Variants in TTC8 observed in about 807,000 individuals in gnomAD.
TTC8 encodes the protein tetratricopeptide repeat protein 8.
A neutral mutation model predicts 72.5 loss-of-function variants in TTC8; 47 were observed. The ratio of observed to expected loss-of-function variants is 0.65; its 90% confidence interval spans 0.51 to 0.83. The LOEUF is 0.83. Ranked by LOEUF, TTC8 falls within the 40% of genes least tolerant of loss-of-function variation. The pLI, the probability that TTC8 is intolerant of heterozygous loss-of-function variation, is 0.00. For synonymous variants in TTC8, 199 were observed against 221.4 expected (o/e 0.90, Z 0.90); for missense variants, 611 against 623.2 (o/e 0.98, Z 0.21).
At chr14:88,847,040 G>T (rs2094810137) in intron 7 of TTC8, 1 of 155,966 alleles carries the variant, frequency 6.4e-6, no homozygotes, top group Non-Finnish European at 1.4e-5. Context: ...ATAGGGCTCT[G>T]CTTCTAAATT....
At chr14:88,877,187 C>T in intron 14 of TTC8, 107 bp from the exon 15 acceptor site, 1 of 833,830 alleles carries the variant, frequency 1.2e-6, no homozygotes, top group East Asian at 2.6e-5. Context: ...GAAAAGAACC[C>T]TTTGAATTTC....
At chr14:88,836,755 A>G (rs1258724320) in intron 2 of TTC8, among the ~76,000 whole-genome samples, 1 of 152,172 alleles carries the variant, frequency 6.6e-6, no homozygotes, top group East Asian at 1.9e-4. Flanking sequence ...CTATAATGAT[A>G]AAACTTGATG....
rs775514466 is a variant in TTC8 at position 88,839,499 on chromosome 14, A to C, written c.192A>C (p.Ile64=). ...GAGCGCTAACAGAAATGGTATACATAGATGAAATTGATGTAGATCAGGAAG... is the reference window on the plus strand; with the variant it reads ...GAGCGCTAACAGAAATGGTATACATCGATGAAATTGATGTAGATCAGGAAG... ...KARALTEMVY[I]DEIDVDQEGI... is the part of the protein sequence containing the mutation. The change falls in exon 3 of 15, where the codon ATA becomes ATC. Residue 64 remains isoleucine, a synonymous_variant. Coordinates refer to ENST00000380656, the MANE Select transcript of TTC8 (RefSeq NM_144596.4). 2 of 1,613,158 alleles carry C rather than the reference A, an allele frequency of 1.2e-6. No individual in the cohort carries two copies. The highest frequency in any genetic ancestry group is 2.7e-5 in the African/African-American group (2 of 74,900).
At chr14:88,831,460 A>G (rs2094725723) in intron 1 of TTC8, among the ~76,000 whole-genome samples, 1 of 152,130 alleles carries the variant, frequency 6.6e-6, no homozygotes, top group Non-Finnish European at 1.5e-5. Context: ...CCAATAAAGG[A>G]TTGCTGTCTA....
chr14:88,825,981 A>G (rs2094698049), intron 1 of TTC8, among the ~76,000 whole-genome samples: 1 of 150,312 alleles, frequency 6.7e-6, no homozygotes, highest in African/African-American at 2.5e-5. Flanking sequence ...AATTTTTTTT[A>G]TTTTTTTTTA....
At chr14:88,824,636 C>A (rs968725756), upstream of TTC8, 14 of 1,319,078 alleles carry the variant, frequency 1.1e-5, no homozygotes, top group East Asian at 2.5e-5. Context: ...CAGAGTCGGA[C>A]GCCGCCAGCT....
chr14:88,861,289 CAGG>C lies in TTC8; in HGVS notation c.869_871del (p.Gly290del), dbSNP rs1230198204. On this transcript the variant is annotated inframe_deletion, in exon 10 of 15. Transcript: ENST00000380656. ...TTCAAACAAGGCTTAGATAAGTTTC[CAGG>C]AGAAGTAACCCTGCTCTGTGGAATT... 2.5e-6 allele frequency: 4 copies of C among 1,612,726 alleles called. No individual in the cohort carries two copies. The African/African-American group carries it at 5.3e-5, about 22-fold the overall frequency.
intron 1 of TTC8, among the ~76,000 whole-genome samples, chr14:88,828,667 T>A (rs1227830261): frequency 6.6e-6 from 1 of 152,226 alleles, no homozygotes; most frequent in African/African-American, 2.4e-5. Flanking sequence ...TTGGTTTTGC[T>A]TATTTTTCTC....
chr14:88,843,274 A>T lies in TTC8; in HGVS notation c.580-532A>T, dbSNP rs77777217. ...GTGGTCTGATATGTGCCCCACCGCC[A>T]GGTGATTCCAATGTCCAGCTTAGCT... On this transcript the variant is annotated intron_variant, in intron 6 of 14. Coordinates refer to ENST00000380656, the MANE Select transcript of TTC8 (RefSeq NM_144596.4). 3.0e-3 allele frequency among the ~76,000 whole-genome samples: 451 copies of T among 152,316 alleles called. 5 individuals are homozygous for T. The highest frequency in any genetic ancestry group is 0.01 in the African/African-American group (416 of 41,572).
At chr14:88,827,355 T>C in intron 1 of TTC8, among the ~76,000 whole-genome samples, 1 of 152,258 alleles carries the variant, frequency 6.6e-6, no homozygotes, top group East Asian at 1.9e-4. Flanking sequence ...AGCTCCAATA[T>C]ATATAGAGTA....
chr14:88,839,245 AATTGATAC>A (rs2140972769), intron 2 of TTC8, among the ~76,000 whole-genome samples, 199 bp from the exon 3 acceptor site: 1 of 152,172 alleles, frequency 6.6e-6, no homozygotes, highest in South Asian at 2.1e-4. Flanking sequence ...TTTACTATGT[AATTGATAC>A]ATTGGTTGTT....
intron 7 of TTC8, among the ~76,000 whole-genome samples, chr14:88,848,620 TA>T (rs1258810708): frequency 6.6e-6 from 1 of 152,208 alleles, no homozygotes; most frequent in Admixed American, 6.5e-5. Flanking sequence ...GAATCTTATG[TA>T]GCCATTAAAA....
intron 9 of TTC8, among the ~76,000 whole-genome samples, chr14:88,860,879 C>G (rs952384427): frequency 6.6e-6 from 1 of 151,430 alleles, no homozygotes; most frequent in African/African-American, 2.4e-5. Flanking sequence ...TCACAGCTCA[C>G]TGCGGCCTTG....
rs1216227769 is a variant in TTC8 at position 88,824,828 on chromosome 14, G to C, written c.114+7G>C. 19 of 1,608,438 alleles carry C rather than the reference G, an allele frequency of 1.2e-5. No individual in the cohort carries two copies. The highest frequency in any genetic ancestry group is 1.4e-5 in the Non-Finnish European group (17 of 1,176,510). ...GAAGTCCCCTTATGACCAGGTACCG[G>C]CCAGCTCCCGTCAGCCTGTGCATCC... On this transcript the variant is annotated splice_region_variant and intron_variant, in intron 1 of 14. Transcript: ENST00000380656.
intron 10 of TTC8, among the ~76,000 whole-genome samples, chr14:88,868,759 G>C (rs1885044365): frequency 6.6e-6 from 1 of 152,174 alleles, no homozygotes; most frequent in Admixed American, 6.5e-5. Context: ...GTTGTAGCCT[G>C]AAAGCTTTTG....
At chr14:88,834,979 G>A (rs1395151433) in intron 2 of TTC8, among the ~76,000 whole-genome samples, 1 of 152,184 alleles carries the variant, frequency 6.6e-6, no homozygotes, top group East Asian at 1.9e-4. Flanking sequence ...AGGCTGACTA[G>A]ATTCTTTTGG....
chr14:88,848,123 CAAAAAA>C (rs58210253), intron 7 of TTC8, among the ~76,000 whole-genome samples: 3 of 17,688 alleles, frequency 1.7e-4, no homozygotes, highest in Non-Finnish European at 5.1e-4. Flanking sequence ...AACTCTGTCT[CAAAAAA>C]AAAAAAAAAA....
chr14:88,850,640 G>C (rs768688205), intron 7 of TTC8, among the ~76,000 whole-genome samples: 10 of 152,188 alleles, frequency 6.6e-5, no homozygotes, highest in Non-Finnish European at 1.0e-4. Flanking sequence ...AGTCGAGATT[G>C]TGCCACTGCA....
intron 5 of TTC8, 71 bp downstream of exon 5, chr14:88,841,267 T>C: frequency 1.9e-6 from 3 of 1,601,400 alleles, no homozygotes; most frequent in Non-Finnish European, 2.6e-6. Context: ...TATTATGGTA[T>C]ATCATTTTCC....
Sources: gnomAD v4.1 joint callset for allele counts (sites outside exome capture counted in the v4.1 genomes callset) on GRCh38, gnomAD v4.1.1 for gene constraint, MANE v1.5 for transcripts, NCBI Gene and HGNC (gene_info 2026-07-23, HGNC 2026-07-21) for gene names.